WNK3: variants seen among roughly 807,000 people sequenced by gnomAD.
WNK3 encodes the protein WNK lysine deficient protein kinase 3.
WNK3 carries 18 observed loss-of-function variants against 116.7 expected under a neutral mutation model. The observed-to-expected ratio is 0.15, with a 90% CI of 0.11 to 0.23. WNK3 has a LOEUF of 0.23. Ranked by LOEUF, WNK3 falls within the 10% of genes least tolerant of loss-of-function variation. The pLI is 1.00. For missense variants in WNK3, 993 were observed against 1,323.8 expected (o/e 0.75, Z 3.88); for synonymous variants, 404 against 469.4 (o/e 0.86, Z 1.80).
intron 2 of WNK3, among the ~76,000 whole-genome samples, chrX:54,311,644 C>T (rs1413486240): frequency 8.9e-6 from 1 of 112,075 alleles, no homozygotes; most frequent in Non-Finnish European, 1.9e-5. Context: ...TCTAAAACAT[C>T]TGTAATGTCA....
intron 23 of WNK3, among the ~76,000 whole-genome samples, chrX:54,199,620 G>C (rs1011010943): frequency 1.1e-3 from 124 of 111,742 alleles, no homozygotes; most frequent in African/African-American, 3.7e-3. Flanking sequence ...GATCAGCTGA[G>C]GTCAGGAGTT....
chrX:54,316,868 G>A (rs1557171109), intron 2 of WNK3, among the ~76,000 whole-genome samples: 1 of 111,349 alleles, frequency 9.0e-6, no homozygotes, highest in Non-Finnish European at 1.9e-5. Context: ...TATTCGTTGT[G>A]GAAAGCAACA....
intron 1 of WNK3, among the ~76,000 whole-genome samples, chrX:54,342,819 T>C (rs2147298215): frequency 9.1e-6 from 1 of 110,473 alleles, no homozygotes; most frequent in South Asian, 3.9e-4. Flanking sequence ...GTATAACGTA[T>C]CTGGGGCCAT....
chrX:54,212,139 T>G lies in WNK3; in HGVS notation c.4871-9946A>C, dbSNP rs782056119. On this transcript the variant is annotated intron_variant, in intron 22 of 23. Coordinates refer to ENST00000354646, the Ensembl canonical transcript of WNK3. ...TACTCGGGAGGCTGAGGCAGGAGAA[T>G]GTCGTGAAACCGGGAGGCAGAGCTT... 1.2e-4 allele frequency among the ~76,000 whole-genome samples: 13 copies of G among 111,558 alleles called. No individual in the cohort carries two copies. In the East Asian group the frequency reaches 3.7e-3, roughly 32 times the overall value.
intron 12 of WNK3, among the ~76,000 whole-genome samples, chrX:54,255,056 C>T (rs146397251): frequency 0.02 from 2,224 of 109,930 alleles, 24 homozygotes; most frequent in Non-Finnish European, 0.03. Flanking sequence ...CTCAGTTCAC[C>T]GCAACCTCCG....
intron 22 of WNK3, among the ~76,000 whole-genome samples, chrX:54,209,158 G>T (rs1448578741): frequency 9.0e-6 from 1 of 111,719 alleles, no homozygotes; most frequent in Non-Finnish European, 1.9e-5. Flanking sequence ...CCTGTCTAAA[G>T]ATAGCAGTCT....
chrX:54,232,073 G>A (rs2067904553), intron 21 of WNK3, among the ~76,000 whole-genome samples: 1 of 104,514 alleles, frequency 9.6e-6, no homozygotes, highest in Non-Finnish European at 1.9e-5. Flanking sequence ...TTCTTGTTGA[G>A]TGTGTGTGTG....
At chrX:54,248,143 CAGG>C (rs2068091398) in intron 17 of WNK3, among the ~76,000 whole-genome samples, 1 of 109,193 alleles carries the variant, frequency 9.2e-6, no homozygotes, top group African/African-American at 3.3e-5. Context: ...GAGGCTGAGG[CAGG>C]AGAATTACTT....
exon 24 of WNK3, chrX:54,196,629 G>A (rs1557140208): frequency 9.0e-6 from 1 of 111,603 alleles, no homozygotes. Context: ...TATTAGAAAT[G>A]ACCTTAAAGT....
At chrX:54,214,532 C>T (rs1267960199) in intron 22 of WNK3, among the ~76,000 whole-genome samples, 2 of 111,312 alleles carry the variant, frequency 1.8e-5, no homozygotes, top group Non-Finnish European at 3.8e-5. Flanking sequence ...GACAATTATC[C>T]AAAGCCATAG....
chrX:54,257,845 C>A (rs1316819155), intron 11 of WNK3, among the ~76,000 whole-genome samples: 2 of 93,445 alleles, frequency 2.1e-5, no homozygotes, highest in Admixed American at 1.2e-4. Context: ...AGTCACCTGA[C>A]AATATCCAAA....
chrX:54,225,207 T>C (rs2067821108), intron 22 of WNK3, among the ~76,000 whole-genome samples: 1 of 109,198 alleles, frequency 9.2e-6, no homozygotes, highest in African/African-American at 3.3e-5. Flanking sequence ...ACAATGATCA[T>C]GCCACTACAC....
intron 10 of WNK3, among the ~76,000 whole-genome samples, chrX:54,281,673 C>T (rs782820022): frequency 1.8e-5 from 2 of 111,647 alleles, no homozygotes; most frequent in African/African-American, 3.3e-5. Flanking sequence ...TAAGATCATA[C>T]AGTATCTTTC....
At chrX:54,274,535 A>T (rs1185349605) in intron 10 of WNK3, among the ~76,000 whole-genome samples, 1 of 111,418 alleles carries the variant, frequency 9.0e-6, no homozygotes, top group African/African-American at 3.3e-5. Flanking sequence ...CACTACGGTA[A>T]TTTTTTTCCT....
intron 22 of WNK3, among the ~76,000 whole-genome samples, chrX:54,216,471 A>G: frequency 9.1e-6 from 1 of 110,111 alleles, no homozygotes; most frequent in South Asian, 3.9e-4. Flanking sequence ...TGCAGGCAAC[A>G]ACTCAGCTGC....
In WNK3 at chrX:54,213,553, C is replaced by CAAA. The variant is rs782580375; in HGVS notation, c.4871-11363_4871-11361dup. On this transcript the variant is annotated intron_variant, in intron 22 of 23. Coordinates refer to ENST00000354646, the Ensembl canonical transcript of WNK3. ...AGGGCGACAGAGTGAGACTCCGTCT[C>CAAA]AAAAAAAAAAACAAACAAAAAAAAA... Among the ~76,000 whole-genome samples the CAAA allele has an allele frequency of 8.4e-4, 12 of 14,248 alleles. 2 individuals carry two copies. The highest frequency in any genetic ancestry group is 5.7e-3 in the African/African-American group (10 of 1,767). The allele number at this position is 14,248 out of a possible 115,157, so 12.4% of individuals were successfully genotyped here. A position where few individuals can be genotyped will look rare whatever the true frequency, so the allele number is the denominator to read the frequency against.
chrX:54,221,841 A>T (rs2067765595), intron 22 of WNK3, among the ~76,000 whole-genome samples: 1 of 109,810 alleles, frequency 9.1e-6, no homozygotes, highest in Admixed American at 9.8e-5. Flanking sequence ...CTTAAAAAAA[A>T]ACCAACCAAC....
chrX:54,226,333 G>A (rs1166406696), intron 22 of WNK3, among the ~76,000 whole-genome samples: 2 of 107,266 alleles, frequency 1.9e-5, no homozygotes, highest in East Asian at 5.9e-4. Context: ...AGCCAGGCGT[G>A]ATGGCATGCA....
chrX:54,224,444 C>G (rs1480401430), intron 22 of WNK3, among the ~76,000 whole-genome samples: 1 of 99,018 alleles, frequency 1.0e-5, no homozygotes, highest in African/African-American at 3.7e-5. Context: ...CTCCTTCAGC[C>G]AAATAAAATG....
Sources: gnomAD v4.1 joint callset for allele counts (sites outside exome capture counted in the v4.1 genomes callset) on GRCh38, gnomAD v4.1.1 for gene constraint, MANE v1.5 for transcripts, NCBI Gene and HGNC (gene_info 2026-07-23, HGNC 2026-07-21) for gene names.